EPB41L4A: variants seen among roughly 807,000 people sequenced by gnomAD.
EPB41L4A encodes band 4.1-like protein 4A.
In EPB41L4A, 100 loss-of-function variants were observed where a neutral mutation model predicts 108.6. That is an observed-to-expected ratio of 0.92 (90% CI 0.78 to 1.09). EPB41L4A has a LOEUF of 1.09. Ranked by LOEUF, EPB41L4A falls within the 50% of genes least tolerant of loss-of-function variation. The probability of loss-of-function intolerance (pLI) is 0.00; values close to 1 mark genes in which losing one functional copy is unlikely to be tolerated. For missense variants in EPB41L4A, 1,030 were observed against 842.7 expected (o/e 1.22, Z -2.75); for synonymous variants, 319 against 289.0 (o/e 1.10, Z -1.05).
At chr5:112,173,825 G>A (rs1420664272) in intron 18 of EPB41L4A, 4 of 152,052 alleles carry the variant, frequency 2.6e-5, no homozygotes, top group Non-Finnish European at 5.9e-5. Context: ...TGTATTTTTA[G>A]TAGAGACGGG....
chr5:112,198,284 C>T (rs1419132327), intron 15 of EPB41L4A, among the ~76,000 whole-genome samples: 2 of 152,072 alleles, frequency 1.3e-5, no homozygotes, highest in Admixed American at 6.5e-5. Context: ...CGGCCCACCT[C>T]GGCCTCTCAA....
chr5:112,208,451 T>C (rs1428431768), intron 13 of EPB41L4A, among the ~76,000 whole-genome samples: 3 of 152,074 alleles, frequency 2.0e-5, no homozygotes, highest in Non-Finnish European at 4.4e-5. Flanking sequence ...CTGGAGGCTA[T>C]TATCCTAAGT....
intron 12 of EPB41L4A, among the ~76,000 whole-genome samples, chr5:112,147,499 G>A (rs922152968): frequency 1.3e-5 from 2 of 151,944 alleles, no homozygotes; most frequent in African/African-American, 2.4e-5. Flanking sequence ...AATTAGCCGG[G>A]TGTGGTGGCA....
chr5:112,161,140 G>C (rs1580340183), downstream of EPB41L4A: 4 of 194,782 alleles, frequency 2.1e-5, no homozygotes, highest in South Asian at 3.3e-4. Context: ...GAGTTCTCCA[G>C]ATAAGCCTGG....
chr5:112,174,012 G>C (rs1301827930), intron 18 of EPB41L4A, among the ~76,000 whole-genome samples: 1 of 152,134 alleles, frequency 6.6e-6, no homozygotes, highest in Non-Finnish European at 1.5e-5. Context: ...CTAAAAGATT[G>C]AAGAGTTTAG....
intron 9 of EPB41L4A, among the ~76,000 whole-genome samples, chr5:112,243,243 A>T (rs1196708700): frequency 6.8e-6 from 1 of 147,364 alleles, no homozygotes; most frequent in Non-Finnish European, 1.5e-5. Context: ...ATCTATGTAT[A>T]TATACACACA....
chr5:112,300,351 C>G (rs1754273321), intron 2 of EPB41L4A, among the ~76,000 whole-genome samples: 1 of 152,120 alleles, frequency 6.6e-6, no homozygotes, highest in African/African-American at 2.4e-5. Context: ...TTAGGACTGG[C>G]AAATTCTCTC....
intron 8 of EPB41L4A, 56 bp downstream of exon 8, chr5:112,259,835 G>C: frequency 8.1e-7 from 1 of 1,231,324 alleles, no homozygotes; most frequent in Non-Finnish European, 1.2e-6. Flanking sequence ...CACTGACACA[G>C]GAGTCCCATA....
At chr5:112,370,591 G>A (rs1759429868) in intron 1 of EPB41L4A, among the ~76,000 whole-genome samples, 1 of 152,094 alleles carries the variant, frequency 6.6e-6, no homozygotes, top group Non-Finnish European at 1.5e-5. Context: ...AGAAAAGTTC[G>A]ATTTTCCAGT....
At chr5:112,289,230 G>C (rs978756400) in intron 2 of EPB41L4A, among the ~76,000 whole-genome samples, 1 of 152,098 alleles carries the variant, frequency 6.6e-6, no homozygotes, top group African/African-American at 2.4e-5. Flanking sequence ...ATGCATAATA[G>C]AATTTGAATT....
At chr5:112,381,645 G>C (rs942272794) in intron 1 of EPB41L4A, among the ~76,000 whole-genome samples, 1 of 152,256 alleles carries the variant, frequency 6.6e-6, no homozygotes, top group African/African-American at 2.4e-5. Flanking sequence ...ATCCAAACAA[G>C]GCTGAGTTGC....
chr5:112,295,167 G>T (rs922831643), intron 2 of EPB41L4A, among the ~76,000 whole-genome samples: 1 of 152,202 alleles, frequency 6.6e-6, no homozygotes, highest in African/African-American at 2.4e-5. Flanking sequence ...TCCTGGATTA[G>T]TGAGTGAACT....
rs372036092 is a variant in EPB41L4A at position 112,178,384 on chromosome 5, A to G, written c.1622+5632T>C. Among the ~76,000 whole-genome samples the G allele has an allele frequency of 1.2e-3, 190 of 152,274 alleles. 5 individuals are homozygous for G. In the South Asian group the frequency reaches 0.039, roughly 31 times the overall value. ...TGTAGATTTTAACATCCCTCTCTCA[A>G]TGACTACTTGAAAAGTAGATGAAGA... is the stretch of plus-strand genomic sequence containing the variant. On this transcript the variant is annotated intron_variant, in intron 18 of 22. Transcript: ENST00000261486.
intron 1 of EPB41L4A, among the ~76,000 whole-genome samples, chr5:112,398,650 A>G (rs1340681820): frequency 1.3e-5 from 2 of 152,024 alleles, no homozygotes; most frequent in South Asian, 2.1e-4. Context: ...CGGCCTCCCA[A>G]AGTGCTGGGA....
At chr5:112,161,280 A>G, downstream of EPB41L4A, 1 of 336,548 alleles carries the variant, frequency 3.0e-6, no homozygotes, top group South Asian at 2.3e-5. Context: ...GTCGGGAGTG[A>G]TCACCTACCC....
rs34402942 is a variant in EPB41L4A, at chr5:112,209,892, CT to C, written c.1177del (p.Ser393AlafsTer64). 3 of 1,588,930 alleles carry C rather than the reference CT, an allele frequency of 1.9e-6. No homozygotes were observed. The highest frequency in any genetic ancestry group is 1.7e-5 in the Admixed American group (1 of 59,084). ...IKIIAPSPVK[S>X]FKKAKNENSP... ...CGTTTCTTCAGTTAACTTCACTGAC[CT>C]TTTTACTGGTGAAGGTGCAATAATT... On this transcript the variant is annotated frameshift_variant and splice_region_variant, in exon 13 of 23. Coordinates refer to ENST00000261486, the MANE Select transcript of EPB41L4A (RefSeq NM_022140.5). LOFTEE classifies it high-confidence loss of function.
intron 4 of EPB41L4A, among the ~76,000 whole-genome samples, chr5:112,272,539 G>A (rs893170606): frequency 1.3e-5 from 2 of 151,798 alleles, no homozygotes; most frequent in African/African-American, 4.8e-5. Flanking sequence ...CAGCACTTTG[G>A]GAGGCCAAGG....
intron 4 of EPB41L4A, among the ~76,000 whole-genome samples, chr5:112,273,556 T>C (rs977602079): frequency 6.6e-6 from 1 of 152,198 alleles, no homozygotes; most frequent in Non-Finnish European, 1.5e-5. Flanking sequence ...ATGAAATAAG[T>C]ATTAGCATTC....
At chr5:112,202,303 C>T (rs978439793) in intron 15 of EPB41L4A, among the ~76,000 whole-genome samples, 1 of 152,124 alleles carries the variant, frequency 6.6e-6, no homozygotes, top group East Asian at 1.9e-4. Flanking sequence ...AAGGTGGAAG[C>T]GGCTTCTGGT....
Sources: gnomAD v4.1 joint callset for allele counts (sites outside exome capture counted in the v4.1 genomes callset) on GRCh38, gnomAD v4.1.1 for gene constraint, MANE v1.5 for transcripts, NCBI Gene and HGNC (gene_info 2026-07-23, HGNC 2026-07-21) for gene names.